The following IKZF1 variants were observed in gnomAD, a reference collection of about 807,000 sequenced individuals.
The protein encoded by IKZF1 is DNA-binding protein Ikaros.
Under a neutral mutation model 51.7 loss-of-function variants are expected in IKZF1, and 10 were observed. That is an observed-to-expected ratio of 0.19 (90% CI 0.12 to 0.33). IKZF1 has a LOEUF of 0.33. Among genes scored for constraint, IKZF1 ranks in the 10% least tolerant of loss-of-function variants. IKZF1 has a pLI of 1.00. For synonymous variants in IKZF1, 280 were observed against 282.3 expected (o/e 0.99, Z 0.08); for missense variants, 484 against 707.5 (o/e 0.68, Z 3.58).
At position 50,400,973 on chromosome 7, in the gene IKZF1, G is replaced by A. The variant is rs79731631; in HGVS notation, c.*346G>A. On this transcript the variant is annotated 3_prime_UTR_variant, in exon 8 of 8. Transcript: ENST00000331340. The surrounding 1 kb of genome is among the most constrained non-coding windows in gnomAD (Gnocchi z 5.4). The stretch of plus-strand genomic sequence containing the variant: ...TTTCAGAGAGAAATAGATAAAACAC[G>A]CCACAGCCTGGGAAGGAGCGTGCTC... 2.3e-3 allele frequency: 955 copies of A among 409,426 alleles called. 3 individuals carry two copies. Among genetic ancestry groups the A allele is most frequent in the Non-Finnish European group, 3.7e-3 (825 of 224,190 alleles). The allele number at this position is 409,426 out of a possible 1,614,324, so 25.4% of individuals were successfully genotyped here.
chr7:50,358,171 G>A (rs1804062978), intron 3 of IKZF1, among the ~76,000 whole-genome samples: 1 of 152,078 alleles, frequency 6.6e-6, no homozygotes, highest in Non-Finnish European at 1.5e-5. Context: ...CTGGTAAATG[G>A]TTGTTGAATC....
chr7:50,368,328 A>G (rs1400595091), intron 3 of IKZF1: 1 of 703,296 alleles, frequency 1.4e-6, no homozygotes, highest in Non-Finnish European at 2.6e-6. Flanking sequence ...TGGGATTGTT[A>G]CTTCGCAGAT....
intron 3 of IKZF1, among the ~76,000 whole-genome samples, chr7:50,371,845 A>G (rs1461406729): frequency 6.6e-6 from 1 of 152,224 alleles, no homozygotes; most frequent in Non-Finnish European, 1.5e-5. Context: ...AGAAGATTCC[A>G]GATTTCAGTG....
At chr7:50,393,371 C>CA (rs934889559) in intron 7 of IKZF1, among the ~76,000 whole-genome samples, 3 of 152,000 alleles carry the variant, frequency 2.0e-5, no homozygotes, top group Non-Finnish European at 4.4e-5. Context: ...GAGGTGGGGC[C>CA]AGAACAGGGG....
At chr7:50,393,528 A>G (rs776724384) in intron 7 of IKZF1, among the ~76,000 whole-genome samples, 1 of 152,032 alleles carries the variant, frequency 6.6e-6, no homozygotes, top group Non-Finnish European at 1.5e-5. Context: ...GATTAATTAG[A>G]GGTTTGTCAT....
chr7:50,308,226 G>A (rs2153324486), intron 1 of IKZF1, among the ~76,000 whole-genome samples: 1 of 152,342 alleles, frequency 6.6e-6, no homozygotes. Flanking sequence ...CGAAGTGCGG[G>A]CCTGCCCATT....
chr7:50,402,884 A>C lies in IKZF1; in HGVS notation c.*2257A>C, dbSNP rs1818387474. On this transcript the variant is annotated 3_prime_UTR_variant, in exon 8 of 8. Coordinates refer to ENST00000331340, the MANE Select transcript of IKZF1 (RefSeq NM_006060.6). ...TTTAGACAGCACTCCTTCAATATGC[A>C]ATCACAGAGAAAGATGCGCCTTATC... 1 of 229,384 alleles carries C rather than the reference A, an allele frequency of 4.4e-6. No homozygotes were observed. The highest frequency in any genetic ancestry group is 2.2e-5 in the African/African-American group (1 of 45,122). The allele number at this position is 229,384 out of a possible 1,614,324, so 14.2% of individuals were successfully genotyped here. A position where few individuals can be genotyped will look rare whatever the true frequency, so the allele number is the denominator to read the frequency against.
At chr7:50,368,725 T>C (rs1807756838) in intron 3 of IKZF1, 7 of 254,782 alleles carry the variant, frequency 2.7e-5, no homozygotes, top group Admixed American at 1.0e-4. Flanking sequence ...AAATGAGTAC[T>C]TTAAAGAACA....
At chr7:50,343,566 T>C (rs539470159) in intron 3 of IKZF1, among the ~76,000 whole-genome samples, 2 of 152,356 alleles carry the variant, frequency 1.3e-5, no homozygotes, top group African/African-American at 4.8e-5. Context: ...TGGTTTGAGA[T>C]TTGTGGACAA....
rs1010131763 is a variant in IKZF1, at chr7:50,400,827, G to A, written c.*200G>A. On this transcript the variant is annotated 3_prime_UTR_variant, in exon 8 of 8. Coordinates refer to ENST00000331340, the MANE Select transcript of IKZF1 (RefSeq NM_006060.6). This position sits in a 1 kb window ranked among gnomAD's most constrained non-coding sequence, Gnocchi z 5.4. The stretch of plus-strand genomic sequence containing the variant: ...TTTGAAAAGATTTTTATTTTTAGAG[G>A]CAGGGCTGCATTGGGAGCATCCAGA... The A allele has an allele frequency of 2.4e-5, 17 of 694,892 alleles. No individual in the cohort carries two copies. The highest frequency in any genetic ancestry group is 3.3e-5 in the Non-Finnish European group (14 of 428,872). 43.0% of individuals were successfully genotyped at this position (694,892 alleles called of 1,614,324 possible).
chr7:50,317,651 A>G (rs1791934889), intron 1 of IKZF1, among the ~76,000 whole-genome samples: 1 of 152,294 alleles, frequency 6.6e-6, no homozygotes, highest in East Asian at 1.9e-4. Flanking sequence ...TTTTAGAAAT[A>G]GATAAAAGCC....
At chr7:50,371,813 G>T (rs116812842) in intron 3 of IKZF1, among the ~76,000 whole-genome samples, 3 of 152,198 alleles carry the variant, frequency 2.0e-5, no homozygotes, top group Non-Finnish European at 4.4e-5. Flanking sequence ...GAAAGGAGGC[G>T]TGCGTACAGC....
At chr7:50,356,814 A>C (rs1249315358) in intron 3 of IKZF1, among the ~76,000 whole-genome samples, 4 of 152,112 alleles carry the variant, frequency 2.6e-5, no homozygotes. Flanking sequence ...GATGACACAC[A>C]AGCACAGTGT....
chr7:50,326,724 A>T (rs981532151), intron 2 of IKZF1, among the ~76,000 whole-genome samples: 2 of 152,172 alleles, frequency 1.3e-5, no homozygotes, highest in African/African-American at 4.8e-5. Flanking sequence ...ATTTGTGTGG[A>T]TTATATTTTA....
intron 3 of IKZF1, among the ~76,000 whole-genome samples, chr7:50,343,722 C>T (rs561113555): frequency 6.6e-6 from 1 of 152,318 alleles, no homozygotes; most frequent in South Asian, 2.1e-4. Context: ...GGGCTGAAGG[C>T]CTAATGCACC....
intron 2 of IKZF1, among the ~76,000 whole-genome samples, chr7:50,326,177 A>G (rs1794959299): frequency 6.6e-6 from 1 of 152,108 alleles, no homozygotes; most frequent in Non-Finnish European, 1.5e-5. Flanking sequence ...TGCTGGTATT[A>G]CTCTTGTGGA....
rs116812842 is a variant in IKZF1, at chr7:50,371,813, G to A, written c.161-4720G>A. Among the ~76,000 whole-genome samples, 286 of 152,316 alleles carry A rather than the reference G, an allele frequency of 1.9e-3. 4 individuals are homozygous for A. The highest frequency in any genetic ancestry group is 6.6e-3 in the African/African-American group (275 of 41,562). The stretch of plus-strand genomic sequence containing the variant: ...CTATGCTGCCCTTTTGAAAGGAGGC[G>A]TGCGTACAGCCTGGCTGGTACAGAA... On this transcript the variant is annotated intron_variant, in intron 3 of 7. Transcript: ENST00000331340.
At chr7:50,369,960 C>A (rs567597814) in intron 3 of IKZF1, among the ~76,000 whole-genome samples, 1 of 152,226 alleles carries the variant, frequency 6.6e-6, no homozygotes, top group East Asian at 1.9e-4. Context: ...CTTTAAAACG[C>A]TTAAAAGTTT....
intron 2 of IKZF1, among the ~76,000 whole-genome samples, chr7:50,323,967 G>A (rs35928979): frequency 0.018 from 2,729 of 152,152 alleles, 40 homozygotes; most frequent in East Asian, 0.023. Context: ...GTTCCCATTC[G>A]TCTTACAACT....
Sources: gnomAD v4.1 joint callset for allele counts (sites outside exome capture counted in the v4.1 genomes callset) on GRCh38, gnomAD v4.1.1 for gene constraint, Gnocchi (gnomAD v3.1) non-coding constraint, MANE v1.5 for transcripts, NCBI Gene and HGNC (gene_info 2026-07-23, HGNC 2026-07-21) for gene names.